ATXN10: variants seen among roughly 807,000 people sequenced by gnomAD.
ATXN10 encodes the protein ataxin 10.
In ATXN10, 28 loss-of-function variants were observed where a neutral mutation model predicts 52.9. The observed-to-expected ratio is 0.53, with a 90% CI of 0.39 to 0.73. The LOEUF is 0.73. ATXN10 is among the 30% of genes least tolerant of loss of function. The pLI, the probability that ATXN10 is intolerant of heterozygous loss-of-function variation, is 0.00. For missense variants in ATXN10, 565 were observed against 577.0 expected (o/e 0.98, Z 0.21); for synonymous variants, 226 against 221.5 (o/e 1.02, Z -0.18).
rs1313209816 is a variant in ATXN10 at position 45,781,506 on chromosome 22, G to T, written c.1174-25453G>T. On this transcript the variant is annotated intron_variant, in intron 9 of 11. Coordinates refer to ENST00000252934, the MANE Select transcript of ATXN10 (RefSeq NM_013236.4). This position sits in a 1 kb window ranked among gnomAD's most constrained non-coding sequence, Gnocchi z 4.2. ...TTGAACGAGCTCTGCTAAAATAGGA[G>T]ACTTAAACTTAAGATTCAGTCTTCT... Among the ~76,000 whole-genome samples, 1 of 152,192 alleles carries T rather than the reference G, an allele frequency of 6.6e-6. No individual in the cohort carries two copies. The highest frequency in any genetic ancestry group is 2.4e-5 in the African/African-American group (1 of 41,430).
intron 9 of ATXN10, among the ~76,000 whole-genome samples, chr22:45,801,617 G>T (rs1463433886): frequency 1.3e-5 from 2 of 152,172 alleles, no homozygotes; most frequent in Non-Finnish European, 1.5e-5. Flanking sequence ...CCCAGTTAAT[G>T]AGACAGTCAA....
intron 5 of ATXN10, among the ~76,000 whole-genome samples, chr22:45,709,033 G>A (rs1924145336): frequency 6.6e-6 from 1 of 152,170 alleles, no homozygotes; most frequent in Non-Finnish European, 1.5e-5. Context: ...TAGTATTTGG[G>A]TTATCTAGTT....
intron 5 of ATXN10, among the ~76,000 whole-genome samples, chr22:45,709,959 G>A (rs1924182645): frequency 6.6e-6 from 1 of 152,160 alleles, no homozygotes; most frequent in Non-Finnish European, 1.5e-5. Flanking sequence ...TTCAAAAGGT[G>A]TTCCACATTC....
chr22:45,824,567 ACT>A lies in ATXN10; in HGVS notation c.1237+17548_1237+17549del, dbSNP rs1424369297. 6.6e-6 allele frequency among the ~76,000 whole-genome samples: 1 copy of A among 152,160 alleles called. No individual in the cohort carries two copies. Among genetic ancestry groups the A allele is most frequent in the Non-Finnish European group, 1.5e-5 (1 of 68,030 alleles). On this transcript the variant is annotated intron_variant, in intron 10 of 11. Coordinates refer to ENST00000252934, the MANE Select transcript of ATXN10 (RefSeq NM_013236.4). This position sits in a 1 kb window ranked among gnomAD's most constrained non-coding sequence, Gnocchi z 5.2. Reference sequence around the variant, plus strand: ...AAATTGGTAAAGGGAAAATGAGGAAACTCTAAGAATCGTGTCATATTTAATGA... The same window carrying A: ...AAATTGGTAAAGGGAAAATGAGGAAACTAAGAATCGTGTCATATTTAATGA...
Position 45,820,009 on chromosome 22 carries a change from G to A in ATXN10, c.1237+12987G>A, listed in dbSNP as rs1024260592. ...CAGTGACCAAGGGCCTGGTCAAAAC[G>A]TGAGTGTGTCACAGCCATTCAGCAC... On this transcript the variant is annotated intron_variant, in intron 10 of 11. Transcript: ENST00000252934. This position sits in a 1 kb window ranked among gnomAD's most constrained non-coding sequence, Gnocchi z 4.9. Among the ~76,000 whole-genome samples the A allele has an allele frequency of 6.6e-6, 1 of 152,182 alleles. No individual in the cohort carries two copies. The highest frequency in any genetic ancestry group is 1.9e-4 in the East Asian group (1 of 5,196).
At position 45,763,590 on chromosome 22, in the gene ATXN10, C is replaced by G. The variant is rs1486669350; in HGVS notation, c.1173+23052C>G. ...AAAAGTCGGACCCCACCACGCCCCC[C>G]ACCTCTCTGTCCCTGCTCTTTGGGC... is the stretch of plus-strand genomic sequence containing the variant. On this transcript the variant is annotated intron_variant, in intron 9 of 11. Coordinates refer to ENST00000252934, the MANE Select transcript of ATXN10 (RefSeq NM_013236.4). The surrounding 1 kb of genome is among the most constrained non-coding windows in gnomAD (Gnocchi z 6.9). Among the ~76,000 whole-genome samples the G allele has an allele frequency of 6.6e-6, 1 of 152,184 alleles. No individual in the cohort carries two copies. Among genetic ancestry groups the G allele is most frequent in the East Asian group, 1.9e-4 (1 of 5,182 alleles).
At chr22:45,804,096 A>G (rs536397133) in intron 9 of ATXN10, among the ~76,000 whole-genome samples, 13 of 152,306 alleles carry the variant, frequency 8.5e-5, no homozygotes, top group African/African-American at 2.9e-4. Flanking sequence ...TTTCATCGTA[A>G]GATTCAGCAG....
At chr22:45,700,883 G>T (rs1444998923) in intron 4 of ATXN10, among the ~76,000 whole-genome samples, 2 of 152,194 alleles carry the variant, frequency 1.3e-5, no homozygotes, top group Non-Finnish European at 2.9e-5. Context: ...ATCCATGTAA[G>T]AAGTGAGTAA....
intron 5 of ATXN10, among the ~76,000 whole-genome samples, chr22:45,716,029 A>G (rs897035263): frequency 1.3e-5 from 2 of 152,116 alleles, no homozygotes; most frequent in Non-Finnish European, 2.9e-5. Flanking sequence ...GGAGTCTGAG[A>G]AGGGAGGATA....
rs1601658832 is a variant in ATXN10, at chr22:45,807,201, T to C, written c.1237+179T>C. 7 of 701,526 alleles carry C rather than the reference T, an allele frequency of 1.0e-5. No homozygotes were observed. In the East Asian group the frequency reaches 1.9e-4, roughly 19 times the overall value. 43.5% of individuals were successfully genotyped at this position (701,526 alleles called of 1,614,324 possible). ...TGCTAGAATATCATTTCTGTAACCT[T>C]TGTAGTATGGTAAGCTAGTTTTTTC... On this transcript the variant is annotated intron_variant, in intron 10 of 11. Coordinates refer to ENST00000252934, the MANE Select transcript of ATXN10 (RefSeq NM_013236.4).
chr22:45,716,883 A>G (rs527503772), intron 5 of ATXN10, among the ~76,000 whole-genome samples: 1 of 152,336 alleles, frequency 6.6e-6, no homozygotes, highest in African/African-American at 2.4e-5. Context: ...ACACTATGAA[A>G]GAATGTGTAG....
At chr22:45,726,709 A>T (rs1924884682) in intron 6 of ATXN10, among the ~76,000 whole-genome samples, 1 of 152,022 alleles carries the variant, frequency 6.6e-6, no homozygotes, top group African/African-American at 2.4e-5. Flanking sequence ...TCTTCTTGAG[A>T]CAGGGTCGTG....
rs1402143673 is a variant in ATXN10 at position 45,740,616 on chromosome 22, T to G, written c.1173+78T>G. On this transcript the variant is annotated intron_variant, in intron 9 of 11. Transcript: ENST00000252934. ...AGTCCTTGGAAGACATTCACTCTTT[T>G]GGAGTGAAAGCTTGAGGTGCTTAGA... 1.8e-5 allele frequency: 25 copies of G among 1,428,246 alleles called. No individual in the cohort carries two copies. The South Asian group carries it at 2.9e-4, about 17-fold the overall frequency. The allele number at this position is 1,428,246 out of a possible 1,614,324, so 88.5% of individuals were successfully genotyped here. A position where few individuals can be genotyped will look rare whatever the true frequency, so the allele number is the denominator to read the frequency against.
intron 1 of ATXN10, chr22:45,675,721 G>A (rs1922659376): frequency 6.6e-6 from 1 of 152,156 alleles, no homozygotes; most frequent in East Asian, 1.9e-4. Flanking sequence ...GATCATAAAT[G>A]TTATTGTTTT....
rs1320535969 is a variant in ATXN10, at chr22:45,843,686, A to G, written c.*15A>G. 5 of 1,610,824 alleles carry G rather than the reference A, an allele frequency of 3.1e-6. No individual in the cohort carries two copies. Among genetic ancestry groups the G allele is most frequent in the Admixed American group, 3.3e-5 (2 of 59,914 alleles). On this transcript the variant is annotated 3_prime_UTR_variant, in exon 12 of 12. Transcript: ENST00000252934. The surrounding 1 kb of genome is among the most constrained non-coding windows in gnomAD (Gnocchi z 4.5). The stretch of plus-strand genomic sequence containing the variant: ...TTCTTTAGTGAATGAACTACATCCA[A>G]ATACCTGAATTTTTGGAATCTGTTT...
In ATXN10 at chr22:45,786,321, C is replaced by G. The variant is rs1275583737; in HGVS notation, c.1174-20638C>G. ...CACTACTTTACCCTATTGAGTTTTG[C>G]CATAGAACTGTAGTATCATTCTCTC... On this transcript the variant is annotated intron_variant, in intron 9 of 11. Transcript: ENST00000252934. The surrounding 1 kb of genome is among the most constrained non-coding windows in gnomAD (Gnocchi z 4.1). 6.6e-6 allele frequency among the ~76,000 whole-genome samples: 1 copy of G among 152,192 alleles called. No individual in the cohort carries two copies. Among genetic ancestry groups the G allele is most frequent in the Non-Finnish European group, 1.5e-5 (1 of 68,044 alleles).
chr22:45,829,665 TACTC>T (rs755463890), intron 10 of ATXN10, among the ~76,000 whole-genome samples: 9 of 152,288 alleles, frequency 5.9e-5, no homozygotes, highest in Admixed American at 1.3e-4. Context: ...GGAATTAACT[TACTC>T]AAGGAGGTGA....
chr22:45,812,031 G>A (rs769053022), intron 10 of ATXN10, among the ~76,000 whole-genome samples: 6 of 152,102 alleles, frequency 3.9e-5, no homozygotes, highest in Non-Finnish European at 7.4e-5. Context: ...GCACACCTAC[G>A]TTTTTGTTTC....
chr22:45,832,253 C>T (rs1929017939), intron 10 of ATXN10, among the ~76,000 whole-genome samples: 1 of 152,202 alleles, frequency 6.6e-6, no homozygotes, highest in South Asian at 2.1e-4. Flanking sequence ...AGGAGCTGGC[C>T]TTGACTGACC....
Sources: allele counts gnomAD v4.1 joint callset (sites outside exome capture counted in the v4.1 genomes callset), GRCh38; gene constraint gnomAD v4.1.1; non-coding constraint Gnocchi (gnomAD v3.1); transcripts MANE v1.5; gene names NCBI Gene and HGNC (gene_info 2026-07-23, HGNC 2026-07-21).